Variants in EYS observed in about 807,000 individuals in gnomAD.
EYS encodes protein eyes shut homolog.
Under a neutral mutation model 282.1 loss-of-function variants are expected in EYS, and 250 were observed. The ratio of observed to expected loss-of-function variants is 0.89; its 90% CI spans 0.80 to 0.98. The LOEUF (loss-of-function observed/expected upper bound fraction) is 0.98. Ranked by LOEUF, EYS falls within the 50% of genes least tolerant of loss-of-function variation. The pLI, the probability that EYS is intolerant of heterozygous loss-of-function variation, is 0.00. For missense variants in EYS, 4,016 were observed against 3,709.0 expected, an observed-to-expected ratio of 1.08 and a Z score of -2.15; for synonymous variants, 1,355 against 1,282.9, an observed-to-expected ratio of 1.06 and a Z score of -1.20.
At chr6:64,344,123 G>C (rs939290979) in intron 29 of EYS, among the ~76,000 whole-genome samples, 1 of 152,096 alleles carries the variant, frequency 6.6e-6, no homozygotes, top group Non-Finnish European at 1.5e-5. Flanking sequence ...AATTCTACCA[G>C]AGGTATAAGG....
intron 30 of EYS, among the ~76,000 whole-genome samples, chr6:64,246,505 T>C (rs1767028861): frequency 6.6e-6 from 1 of 152,196 alleles, no homozygotes; most frequent in African/African-American, 2.4e-5. Flanking sequence ...CTATAGATTC[T>C]AGATAAAAGT....
At chr6:64,114,605 C>A (rs967378090) in intron 31 of EYS, among the ~76,000 whole-genome samples, 4 of 152,180 alleles carry the variant, frequency 2.6e-5, no homozygotes, top group African/African-American at 9.7e-5. Context: ...GGGAAAGGGG[C>A]TATCACTGTC....
chr6:65,369,663 C>T (rs116416197), intron 8 of EYS, among the ~76,000 whole-genome samples: 11 of 151,440 alleles, frequency 7.3e-5, no homozygotes, highest in Non-Finnish European at 1.5e-4. Context: ...ACGATATTGG[C>T]ATTTTGGACT....
intron 22 of EYS, among the ~76,000 whole-genome samples, chr6:64,780,587 T>C (rs749051550): frequency 1.3e-5 from 2 of 152,216 alleles, no homozygotes; most frequent in Admixed American, 6.5e-5. Flanking sequence ...TATTGGGCGA[T>C]GGATGCATTA....
chr6:64,364,836 C>T (rs1772134952), intron 29 of EYS, among the ~76,000 whole-genome samples: 1 of 151,848 alleles, frequency 6.6e-6, no homozygotes, highest in African/African-American at 2.4e-5. Flanking sequence ...ACACTAAATG[C>T]TCAGACTTCA....
At position 64,822,633 on chromosome 6, in the gene EYS, A is replaced by C; in HGVS notation, c.3164+18T>G. 2.0e-6 allele frequency: 3 copies of C among 1,507,482 alleles called. No homozygotes were observed. Among genetic ancestry groups the C allele is most frequent in the Non-Finnish European group, 2.7e-6 (3 of 1,129,342 alleles). The allele number at this position is 1,507,482 out of a possible 1,614,324, so 93.4% of individuals were successfully genotyped here. ...TTAAATATACTTTCATAAAGCTAATAATAAAAAAAATAGCTACCTTCCATG... is the reference window on the plus strand; with the variant it reads ...TTAAATATACTTTCATAAAGCTAATCATAAAAAAAATAGCTACCTTCCATG... On this transcript the variant is annotated intron_variant, in intron 20 of 42. Coordinates refer to ENST00000503581, the MANE Select transcript of EYS (RefSeq NM_001142800.2).
intron 25 of EYS, among the ~76,000 whole-genome samples, chr6:64,592,692 A>C (rs550224090): frequency 6.6e-6 from 1 of 152,276 alleles, no homozygotes; most frequent in Non-Finnish European, 1.5e-5. Flanking sequence ...AGTTGTTAAA[A>C]TAATTCACAA....
chr6:65,319,507 T>A (rs1769412704), intron 11 of EYS, among the ~76,000 whole-genome samples: 1 of 152,124 alleles, frequency 6.6e-6, no homozygotes, highest in Non-Finnish European at 1.5e-5. Context: ...TTAAATGTAC[T>A]GTCCTGATAC....
intron 5 of EYS, among the ~76,000 whole-genome samples, chr6:65,481,715 AT>A (rs1765613067): frequency 6.6e-6 from 1 of 151,950 alleles, no homozygotes; most frequent in African/African-American, 2.4e-5. Flanking sequence ...CGCTCGGCTA[AT>A]TTTTTGTATT....
At chr6:64,211,506 A>T (rs2150327705) in intron 31 of EYS, among the ~76,000 whole-genome samples, 1 of 151,460 alleles carries the variant, frequency 6.6e-6, no homozygotes, top group South Asian at 2.1e-4. Context: ...CCTTATGTGA[A>T]TGATATCTAC....
At chr6:64,656,164 A>T (rs1479635333) in intron 22 of EYS, among the ~76,000 whole-genome samples, 1 of 149,318 alleles carries the variant, frequency 6.7e-6, no homozygotes, top group South Asian at 2.2e-4. Flanking sequence ...TATTACAATC[A>T]AATACAGAGA....
chr6:64,278,497 A>G (rs918947861), intron 30 of EYS, among the ~76,000 whole-genome samples: 1 of 152,140 alleles, frequency 6.6e-6, no homozygotes, highest in African/African-American at 2.4e-5. Context: ...TTATTTTAAT[A>G]AGAAACTTCT....
intron 12 of EYS, among the ~76,000 whole-genome samples, chr6:65,204,682 C>T (rs1403089255): frequency 1.3e-5 from 2 of 151,462 alleles, no homozygotes; most frequent in African/African-American, 2.4e-5. Context: ...AAAATGAAAC[C>T]TCACATATCA....
In EYS at chr6:65,467,368, C is replaced by T. The variant is rs530342524; in HGVS notation, c.862+23226G>A. On this transcript the variant is annotated intron_variant, in intron 5 of 42. Coordinates refer to ENST00000503581, the MANE Select transcript of EYS (RefSeq NM_001142800.2). ...AAATACTGAATGAATACAAGATTTC[C>T]ACAAGGTTGCAGAATACAAGATTGA... Among the ~76,000 whole-genome samples, 133 of 151,984 alleles carry T rather than the reference C, an allele frequency of 8.8e-4. 2 individuals carry two copies. Among genetic ancestry groups the T allele is most frequent in the African/African-American group, 2.6e-3 (108 of 41,474 alleles).
At chr6:64,259,597 T>A (rs1767513770) in intron 30 of EYS, among the ~76,000 whole-genome samples, 2 of 151,508 alleles carry the variant, frequency 1.3e-5, no homozygotes, top group African/African-American at 2.4e-5. Context: ...ACAGATGGCC[T>A]AATCACATTG....
chr6:64,492,477 T>A (rs1776768973), intron 26 of EYS, among the ~76,000 whole-genome samples: 1 of 151,170 alleles, frequency 6.6e-6, no homozygotes, highest in African/African-American at 2.4e-5. Flanking sequence ...TTTTTGTTGT[T>A]GTTGTTGTTG....
chr6:64,809,467 G>A (rs1339709118), intron 22 of EYS, among the ~76,000 whole-genome samples: 4 of 151,950 alleles, frequency 2.6e-5, no homozygotes, highest in East Asian at 1.9e-4. Flanking sequence ...AAATAAAAAT[G>A]TGAGAAGGAA....
chr6:64,023,860 C>A (rs1372909196), intron 33 of EYS, among the ~76,000 whole-genome samples: 1 of 152,228 alleles, frequency 6.6e-6, no homozygotes, highest in Non-Finnish European at 1.5e-5. Context: ...CTCAGTGGGC[C>A]CCGCACTCGT....
intron 19 of EYS, among the ~76,000 whole-genome samples, chr6:64,845,321 T>C (rs898371918): frequency 1.3e-5 from 2 of 151,874 alleles, no homozygotes; most frequent in African/African-American, 2.4e-5. Context: ...ATTTAAAATA[T>C]ATAATTAGAA....
Sources: gnomAD v4.1 joint callset for allele counts (sites outside exome capture counted in the v4.1 genomes callset) on GRCh38, gnomAD v4.1.1 for gene constraint, MANE v1.5 for transcripts, NCBI Gene and HGNC (gene_info 2026-07-23, HGNC 2026-07-21) for gene names.